Variants in ABL2 observed in about 807,000 individuals in gnomAD.
ABL2 encodes the protein ABL proto-oncogene 2, non-receptor tyrosine kinase, also known as tyrosine-protein kinase ABL2.
In ABL2, 49 loss-of-function variants were observed where a neutral mutation model predicts 107.7. The ratio of observed to expected loss-of-function variants is 0.45; its 90% CI spans 0.36 to 0.58. The LOEUF (loss-of-function observed/expected upper bound fraction) is 0.58, where lower values mean the gene tolerates loss of function less well. Ranked by LOEUF, ABL2 falls within the 20% of genes least tolerant of loss-of-function variation. ABL2 has a pLI of 0.00. For synonymous variants in ABL2, 549 were observed against 548.6 expected (o/e 1.00, Z -0.01); for missense variants, 1,245 against 1,457.0 (o/e 0.85, Z 2.37).
chr1:179,139,260 C>A (rs1255458443), intron 1 of ABL2, among the ~76,000 whole-genome samples: 3 of 152,118 alleles, frequency 2.0e-5, no homozygotes, highest in Non-Finnish European at 4.4e-5. Context: ...CTGAAGCCAG[C>A]AAGACCACGA....
chr1:179,144,570 T>C (rs1171923824), intron 1 of ABL2, among the ~76,000 whole-genome samples: 1 of 152,204 alleles, frequency 6.6e-6, no homozygotes, highest in East Asian at 1.9e-4. Context: ...TCTAGGTCAA[T>C]ATAAGTAACA....
At chr1:179,121,429 C>T (rs1419143377) in intron 5 of ABL2, among the ~76,000 whole-genome samples, 166 bp downstream of exon 5, 1 of 152,236 alleles carries the variant, frequency 6.6e-6, no homozygotes, top group Non-Finnish European at 1.5e-5. Context: ...TAATCTACCT[C>T]TGCATTGTCA....
intron 1 of ABL2, among the ~76,000 whole-genome samples, chr1:179,175,818 T>C (rs969905990): frequency 6.6e-6 from 1 of 150,866 alleles, no homozygotes. Context: ...GACTGCATGC[T>C]AGACTGCTAG....
intron 1 of ABL2, among the ~76,000 whole-genome samples, chr1:179,200,610 T>C (rs545507250): frequency 3.2e-4 from 48 of 152,272 alleles, no homozygotes; most frequent in African/African-American, 1.1e-3. Context: ...TACCTACCCA[T>C]TGAAAGCTTC....
chr1:179,197,240 A>C (rs554676084), intron 1 of ABL2, among the ~76,000 whole-genome samples: 207 of 152,206 alleles, frequency 1.4e-3, no homozygotes, highest in Non-Finnish European at 2.3e-3. Flanking sequence ...TTCCAGTGAA[A>C]ATGCAAGACA....
intron 1 of ABL2, among the ~76,000 whole-genome samples, chr1:179,208,268 G>A (rs1662087335): frequency 6.6e-6 from 1 of 152,020 alleles, no homozygotes; most frequent in Admixed American, 6.6e-5. Flanking sequence ...TAGTAAGCAC[G>A]GTGCCCAACA....
intron 1 of ABL2, among the ~76,000 whole-genome samples, chr1:179,191,969 C>T (rs911297160): frequency 4.3e-4 from 66 of 152,134 alleles, no homozygotes; most frequent in African/African-American, 1.5e-3. Context: ...TTTTCCTTTG[C>T]TTTTATATTC....
At chr1:179,222,018 C>A in intron 1 of ABL2, 1 of 201,032 alleles carries the variant, frequency 5.0e-6, no homozygotes, top group South Asian at 1.0e-4. Context: ...ATATAGAATC[C>A]ATTCAGATGT....
chr1:179,174,922 A>T (rs1457227272), intron 1 of ABL2, among the ~76,000 whole-genome samples: 15 of 140,848 alleles, frequency 1.1e-4, no homozygotes, highest in South Asian at 4.4e-4. Flanking sequence ...AATAAAAAAA[A>T]TAATAATAAT....
In ABL2 at chr1:179,101,070, G is replaced by A. The variant is rs1653049727; in HGVS notation, c.*6648C>T. 1 of 231,952 alleles carries A rather than the reference G, an allele frequency of 4.3e-6. No individual in the cohort carries two copies. The highest frequency in any genetic ancestry group is 2.2e-5 in the African/African-American group (1 of 45,272). 14.4% of individuals were successfully genotyped at this position (231,952 alleles called of 1,614,324 possible). A position where few individuals can be genotyped will look rare whatever the true frequency, so the allele number is the denominator to read the frequency against. On this transcript the variant is annotated 3_prime_UTR_variant, in exon 12 of 12. Transcript: ENST00000502732. The stretch of plus-strand genomic sequence containing the variant: ...AAGTGGCGGATTCTCACAGATGGAG[G>A]ATCTGGCCACTGCCATCTGAGAAGC...
At chr1:179,158,892 T>C (rs1445949064) in intron 1 of ABL2, among the ~76,000 whole-genome samples, 1 of 152,244 alleles carries the variant, frequency 6.6e-6, no homozygotes, top group Non-Finnish European at 1.5e-5. Flanking sequence ...TAGAACTTTC[T>C]AGTTGTACTT....
intron 1 of ABL2, among the ~76,000 whole-genome samples, chr1:179,181,694 T>C (rs1196030084): frequency 6.6e-6 from 1 of 152,200 alleles, no homozygotes; most frequent in Non-Finnish European, 1.5e-5. Context: ...TTCTTTCTAA[T>C]ACACGAATTC....
chr1:179,119,153 C>T (rs2102619039), intron 6 of ABL2, among the ~76,000 whole-genome samples: 1 of 152,230 alleles, frequency 6.6e-6, no homozygotes, highest in African/African-American at 2.4e-5. Flanking sequence ...AAGCTGAAGA[C>T]TATGTGAGCC....
At chr1:179,187,047 G>A (rs150875049) in intron 1 of ABL2, among the ~76,000 whole-genome samples, 1 of 152,190 alleles carries the variant, frequency 6.6e-6, no homozygotes, top group East Asian at 1.9e-4. Context: ...ACCATTTATA[G>A]TGTACTTTTC....
In ABL2 at chr1:179,099,579, T is replaced by C; in HGVS notation, c.*8139A>G. The C allele has an allele frequency of 4.4e-6, 1 of 229,880 alleles. No homozygotes were observed. The highest frequency in any genetic ancestry group is 8.6e-6 in the Non-Finnish European group (1 of 115,940). 14.2% of individuals were successfully genotyped at this position (229,880 alleles called of 1,614,324 possible). A position where few individuals can be genotyped will look rare whatever the true frequency, so the allele number is the denominator to read the frequency against. ...AATGTGACACACAATTGATGTGTTT[T>C]TAGTTAAATCCCACATTGTCTCACT... is the stretch of plus-strand genomic sequence containing the variant. On this transcript the variant is annotated 3_prime_UTR_variant, in exon 12 of 12. Transcript: ENST00000502732.
At chr1:179,163,340 CACTT>C (rs1317898232) in intron 1 of ABL2, among the ~76,000 whole-genome samples, 2 of 152,302 alleles carry the variant, frequency 1.3e-5, no homozygotes, top group African/African-American at 2.4e-5. Flanking sequence ...TAAAGTCAAA[CACTT>C]ACCATAGGAC....
intron 1 of ABL2, among the ~76,000 whole-genome samples, chr1:179,162,620 A>G (rs1318067239): frequency 6.6e-6 from 1 of 152,128 alleles, no homozygotes; most frequent in African/African-American, 2.4e-5. Context: ...AAAAACCCCA[A>G]AAAATAGCTA....
At chr1:179,229,220 C>A in intron 1 of ABL2, 21 bp downstream of exon 1, 1 of 1,283,018 alleles carries the variant, frequency 7.8e-7, no homozygotes, top group East Asian at 6.5e-5. Context: ...CGCTCTCATG[C>A]CGGCTCCCAG....
Position 179,105,486 on chromosome 1 carries a change from G to C in ABL2, c.*2232C>G, listed in dbSNP as rs572303422. ...ACGAGTTCTTCAAGTTTACGGACAT[G>C]TATGATGAGCAAGAATGGCAGGAAA... On this transcript the variant is annotated 3_prime_UTR_variant, in exon 12 of 12. Transcript: ENST00000502732. The C allele has an allele frequency of 1.3e-5, 3 of 229,796 alleles. No homozygotes were observed. The South Asian group carries it at 5.5e-4, about 42-fold the overall frequency. The allele number at this position is 229,796 out of a possible 1,614,324, so 14.2% of individuals were successfully genotyped here. A position where few individuals can be genotyped will look rare whatever the true frequency, so the allele number is the denominator to read the frequency against.
Sources: gnomAD v4.1 joint callset for allele counts (sites outside exome capture counted in the v4.1 genomes callset) on GRCh38, gnomAD v4.1.1 for gene constraint, MANE v1.5 for transcripts, NCBI Gene and HGNC (gene_info 2026-07-23, HGNC 2026-07-21) for gene names.